THRB: variants seen among roughly 807,000 people sequenced by gnomAD.
The protein encoded by THRB is nuclear receptor subfamily 1 group A member 2.
In THRB, 12 loss-of-function variants were observed where a neutral mutation model predicts 47.8. The ratio of observed to expected loss-of-function variants is 0.25; its 90% CI spans 0.16 to 0.41. The LOEUF is 0.41. THRB is among the 10% of genes least tolerant of loss of function. The pLI, the probability that THRB is intolerant of heterozygous loss-of-function variation, is 1.00. For missense variants in THRB, 348 were observed against 589.2 expected (o/e 0.59, Z 4.24); for synonymous variants, 218 against 212.2 (o/e 1.03, Z -0.24).
At chr3:24,151,344 C>T (rs550307736) in intron 6 of THRB, among the ~76,000 whole-genome samples, 1 of 151,964 alleles carries the variant, frequency 6.6e-6, no homozygotes, top group Admixed American at 6.6e-5. Context: ...GGGGGCTTTA[C>T]GAGCAAGGGT....
chr3:24,419,266 A>T (rs2069018554), intron 1 of THRB, among the ~76,000 whole-genome samples: 1 of 151,872 alleles, frequency 6.6e-6, no homozygotes, highest in Non-Finnish European at 1.5e-5. Context: ...ATGCTATCCC[A>T]GGTCAGCGAC....
intron 1 of THRB, among the ~76,000 whole-genome samples, chr3:24,402,393 C>T (rs1402142194): frequency 6.6e-6 from 1 of 151,902 alleles, no homozygotes; most frequent in Non-Finnish European, 1.5e-5. Flanking sequence ...CTCTCTAATG[C>T]ATCTGTGCAC....
chr3:24,342,681 A>G (rs533374596), intron 1 of THRB, among the ~76,000 whole-genome samples: 14 of 152,258 alleles, frequency 9.2e-5, no homozygotes, highest in African/African-American at 3.4e-4. Context: ...TCTGTGGGCA[A>G]GCAGGTGAAT....
chr3:24,322,477 C>T (rs2058548110), intron 2 of THRB, among the ~76,000 whole-genome samples: 1 of 152,224 alleles, frequency 6.6e-6, no homozygotes, highest in South Asian at 2.1e-4. Context: ...CCTCCCATCT[C>T]TGTCTGATGG....
chr3:24,275,516 AG>A (rs1438537081), intron 3 of THRB, among the ~76,000 whole-genome samples: 2 of 152,206 alleles, frequency 1.3e-5, no homozygotes, highest in Admixed American at 1.3e-4. Flanking sequence ...GGAAGAGGTC[AG>A]GGGGAAAAAG....
At chr3:24,416,900 T>C (rs1010832355) in intron 1 of THRB, among the ~76,000 whole-genome samples, 2 of 151,926 alleles carry the variant, frequency 1.3e-5, no homozygotes, top group Admixed American at 6.6e-5. Flanking sequence ...AGAGTTTATT[T>C]CTAACTGCTT....
At chr3:24,298,130 C>T (rs1203304173) in intron 2 of THRB, among the ~76,000 whole-genome samples, 2 of 152,020 alleles carry the variant, frequency 1.3e-5, no homozygotes, top group African/African-American at 4.8e-5. Context: ...AAAATAGGTC[C>T]GTTAAAGACT....
intron 1 of THRB, among the ~76,000 whole-genome samples, chr3:24,461,954 G>A (rs1327609072): frequency 6.6e-6 from 1 of 152,110 alleles, no homozygotes; most frequent in Non-Finnish European, 1.5e-5. Context: ...ATGGAATAAT[G>A]TTCATGATAC....
At chr3:24,198,450 C>A (rs2044222410) in intron 4 of THRB, among the ~76,000 whole-genome samples, 1 of 23,028 alleles carries the variant, frequency 4.3e-5, no homozygotes, top group African/African-American at 1.7e-4. Flanking sequence ...GTGTCTCCCC[C>A]CGCCCCCCCC....
chr3:24,135,875 C>T (rs1352791644), intron 8 of THRB, among the ~76,000 whole-genome samples: 1 of 130,944 alleles, frequency 7.6e-6, no homozygotes, highest in South Asian at 2.6e-4. Context: ...AATTACATAT[C>T]TATATAATTA....
Position 24,252,448 on chromosome 3 carries a change from C to G in THRB, c.-42-23447G>C, listed in dbSNP as rs187361516. Among the ~76,000 whole-genome samples, 271 of 152,022 alleles carry G rather than the reference C, an allele frequency of 1.8e-3. 2 individuals carry two copies. In the East Asian group the frequency reaches 0.024, roughly 13 times the overall value. On this transcript the variant is annotated intron_variant, in intron 3 of 10. Transcript: ENST00000646209. ...TTGAATCTATAACTCATACCTTATG[C>G]CTGGTTAAATACCAAGTATATGAAA...
intron 5 of THRB, among the ~76,000 whole-genome samples, chr3:24,168,490 A>ATATATATATATATATATATAT (rs1559499553): frequency 0.012 from 1,651 of 137,688 alleles, 52 homozygotes; most frequent in Middle Eastern, 0.015. Flanking sequence ...TTCAATCAAT[A>ATATATATATATATATATATAT]ATATATATAT....
intron 1 of THRB, among the ~76,000 whole-genome samples, chr3:24,344,475 C>T (rs2062877923): frequency 6.6e-6 from 1 of 152,034 alleles, no homozygotes; most frequent in Non-Finnish European, 1.5e-5. Context: ...TGAAGACTTT[C>T]CCTGCTCCCC....
intron 6 of THRB, among the ~76,000 whole-genome samples, chr3:24,150,303 A>G (rs1192848338): frequency 2.6e-4 from 39 of 152,186 alleles, no homozygotes; most frequent in Admixed American, 2.6e-3. Context: ...TAACCCTTTC[A>G]TCTTTCACCA....
At chr3:24,244,970 A>G (rs538028810) in intron 3 of THRB, among the ~76,000 whole-genome samples, 39 of 152,286 alleles carry the variant, frequency 2.6e-4, no homozygotes, top group African/African-American at 8.9e-4. Context: ...TCTGCTCAAA[A>G]TCTTGACATA....
intron 1 of THRB, among the ~76,000 whole-genome samples, chr3:24,359,514 T>C (rs967297389): frequency 6.6e-5 from 10 of 152,118 alleles, no homozygotes; most frequent in Non-Finnish European, 1.2e-4. Context: ...GGGGAGGGGA[T>C]ATAGACCTTT....
intron 1 of THRB, among the ~76,000 whole-genome samples, chr3:24,389,639 A>G (rs1427400107): frequency 6.6e-6 from 1 of 152,096 alleles, no homozygotes; most frequent in Admixed American, 6.5e-5. Context: ...TTTGGGGGAA[A>G]GGGTTTTTCC....
chr3:24,181,376 T>G (rs1022176733), intron 5 of THRB, among the ~76,000 whole-genome samples: 7 of 152,336 alleles, frequency 4.6e-5, no homozygotes, highest in Admixed American at 2.6e-4. Context: ...CAAGGTTAAA[T>G]AGCTGGTAAG....
chr3:24,398,444 A>G (rs1287097116), intron 1 of THRB, among the ~76,000 whole-genome samples: 2 of 152,244 alleles, frequency 1.3e-5, no homozygotes, highest in Admixed American at 1.3e-4. Context: ...TTTCAAAGGA[A>G]GACACTTATG....
Sources: gnomAD v4.1 joint callset for allele counts (sites outside exome capture counted in the v4.1 genomes callset) on GRCh38, gnomAD v4.1.1 for gene constraint, MANE v1.5 for transcripts, NCBI Gene and HGNC (gene_info 2026-07-23, HGNC 2026-07-21) for gene names.